Variants in ZDHHC15 observed in about 807,000 individuals in gnomAD.
The protein encoded by ZDHHC15 is zDHHC palmitoyltransferase 15.
A neutral mutation model predicts 31.7 loss-of-function variants in ZDHHC15; 19 were observed. The observed-to-expected ratio is 0.60, with a 90% CI of 0.42 to 0.88. The LOEUF (loss-of-function observed/expected upper bound fraction) is 0.88, where lower values mean the gene tolerates loss of function less well. Among genes scored for constraint, ZDHHC15 ranks in the 40% least tolerant of loss-of-function variants. The pLI is 0.00. For synonymous variants in ZDHHC15, 103 were observed against 90.0 expected (o/e 1.14, Z -0.82); for missense variants, 209 against 251.2 (o/e 0.83, Z 1.14).
chrX:75,474,571 T>TACACACACAC (rs1209885057), intron 3 of ZDHHC15, among the ~76,000 whole-genome samples: 1 of 22,781 alleles, frequency 4.4e-5, no homozygotes, highest in Admixed American at 9.9e-4. Context: ...TAATCCCCTT[T>TACACACACAC]ATACACACAC....
intron 4 of ZDHHC15, among the ~76,000 whole-genome samples, chrX:75,437,046 T>G (rs767166333): frequency 4.7e-4 from 52 of 110,196 alleles, no homozygotes; most frequent in African/African-American, 1.6e-3. Flanking sequence ...CATGCCCGGC[T>G]AATTTTTTGT....
Position 75,390,751 on chromosome X carries a change from C to A in ZDHHC15, c.968-11553G>T, listed in dbSNP as rs766334991. On this transcript the variant is annotated intron_variant, in intron 10 of 11. Coordinates refer to ENST00000373367, the MANE Select transcript of ZDHHC15 (RefSeq NM_144969.3). ...GGAAAGCCTTCCCAGGGAGGACAAGCACAAACAGGCACAGACTGTGAAGAC... is the reference window on the plus strand; with the variant it reads ...GGAAAGCCTTCCCAGGGAGGACAAGAACAAACAGGCACAGACTGTGAAGAC... 1.0e-3 allele frequency among the ~76,000 whole-genome samples: 114 copies of A among 111,610 alleles called. 1 individual carries two copies. The highest frequency in any genetic ancestry group is 3.6e-3 in the African/African-American group (110 of 30,745).
At chrX:75,416,454 C>T (rs2083549829) in intron 10 of ZDHHC15, among the ~76,000 whole-genome samples, 1 of 111,861 alleles carries the variant, frequency 8.9e-6, no homozygotes, top group African/African-American at 3.2e-5. Context: ...AAAGTAGGCA[C>T]AGCAACAGGT....
At chrX:75,460,154 C>T (rs762553120) in intron 3 of ZDHHC15, among the ~76,000 whole-genome samples, 18 of 112,247 alleles carry the variant, frequency 1.6e-4, no homozygotes, top group Non-Finnish European at 3.4e-4. Flanking sequence ...GGATTACAGG[C>T]GTGAGCCACC....
At chrX:75,467,112 G>A (rs764382479) in intron 3 of ZDHHC15, among the ~76,000 whole-genome samples, 12 of 112,280 alleles carry the variant, frequency 1.1e-4, no homozygotes, top group Non-Finnish European at 2.3e-4. Context: ...GTAGCTAAAT[G>A]AACTAAATAC....
intron 3 of ZDHHC15, among the ~76,000 whole-genome samples, chrX:75,451,581 C>T (rs1294407648): frequency 5.4e-5 from 6 of 110,872 alleles, no homozygotes; most frequent in African/African-American, 1.6e-4. Flanking sequence ...CTATCTGTGC[C>T]GAAGGGTAGA....
chrX:75,472,823 C>A lies in ZDHHC15; in HGVS notation c.258+6068G>T, dbSNP rs769231272. Among the ~76,000 whole-genome samples the A allele has an allele frequency of 7.4e-4, 83 of 112,134 alleles. 1 individual carries two copies. Among genetic ancestry groups the A allele is most frequent in the African/African-American group, 2.6e-3 (79 of 30,848 alleles). On this transcript the variant is annotated intron_variant, in intron 3 of 11. Transcript: ENST00000373367. ...ACGGTCGACCTGGCTATGGCCACTGCTGAGTGCCCAATTTTGCCAGCAGCA... is the reference window on the plus strand; with the variant it reads ...ACGGTCGACCTGGCTATGGCCACTGATGAGTGCCCAATTTTGCCAGCAGCA...
intron 10 of ZDHHC15, among the ~76,000 whole-genome samples, chrX:75,408,053 C>T (rs1268409628): frequency 9.1e-6 from 1 of 109,892 alleles, no homozygotes; most frequent in African/African-American, 3.3e-5. Flanking sequence ...ATCTCAAGTA[C>T]CCAGGGACAC....
At chrX:75,434,134 A>G (rs1250952970) in intron 4 of ZDHHC15, among the ~76,000 whole-genome samples, 1 of 111,854 alleles carries the variant, frequency 8.9e-6, no homozygotes, top group Non-Finnish European at 1.9e-5. Context: ...CCATTTGTAT[A>G]TCTTCTTTTG....
At chrX:75,479,913 A>G (rs1429461001) in intron 2 of ZDHHC15, among the ~76,000 whole-genome samples, 1 of 111,648 alleles carries the variant, frequency 9.0e-6, no homozygotes, top group South Asian at 3.8e-4. Flanking sequence ...TGTACTTCTG[A>G]GACAGTTATA....
At chrX:75,409,509 A>G (rs1438516431) in intron 10 of ZDHHC15, among the ~76,000 whole-genome samples, 1 of 81,991 alleles carries the variant, frequency 1.2e-5, no homozygotes, top group Non-Finnish European at 2.5e-5. Context: ...AAAAAAAAAA[A>G]AAAACACTAC....
In ZDHHC15 at chrX:75,432,962, C is replaced by T. The variant is rs73490410; in HGVS notation, c.380-1442G>A. 3.7e-3 allele frequency among the ~76,000 whole-genome samples: 408 copies of T among 109,939 alleles called. 2 individuals carry two copies. The highest frequency in any genetic ancestry group is 0.012 in the African/African-American group (374 of 30,051). The stretch of plus-strand genomic sequence containing the variant: ...ATGAACCACTGTACTCCAGCCTGGG[C>T]GATAGAGCAAGATCCTGTTTCTAAA... On this transcript the variant is annotated intron_variant, in intron 4 of 11. Coordinates refer to ENST00000373367, the MANE Select transcript of ZDHHC15 (RefSeq NM_144969.3).
intron 10 of ZDHHC15, among the ~76,000 whole-genome samples, chrX:75,409,757 T>C (rs1349635143): frequency 4.6e-5 from 4 of 87,337 alleles, no homozygotes; most frequent in African/African-American, 1.8e-4. Flanking sequence ...ATTGAGCAAC[T>C]GTACTGCAGC....
intron 10 of ZDHHC15, among the ~76,000 whole-genome samples, chrX:75,386,401 C>A (rs1470771839): frequency 8.9e-6 from 1 of 111,852 alleles, no homozygotes; most frequent in Non-Finnish European, 1.9e-5. Context: ...TAAAAATTAT[C>A]AAAATAAAGA....
chrX:75,479,700 C>T (rs1199792151), intron 2 of ZDHHC15, among the ~76,000 whole-genome samples: 1 of 111,254 alleles, frequency 9.0e-6, no homozygotes, highest in Admixed American at 9.6e-5. Context: ...ATCTATCATT[C>T]CACAGTCTGT....
chrX:75,497,089 C>G (rs1310570383), intron 2 of ZDHHC15, among the ~76,000 whole-genome samples: 1 of 111,174 alleles, frequency 9.0e-6, no homozygotes, highest in South Asian at 3.7e-4. Context: ...AGACCATTAG[C>G]GAGATTAACC....
At chrX:75,448,927 G>A (rs148406776) in intron 4 of ZDHHC15, among the ~76,000 whole-genome samples, 1,229 of 110,624 alleles carry the variant, frequency 0.011, 15 homozygotes, top group African/African-American at 0.039. Context: ...CAATGCAGGT[G>A]GGCCTCATCC....
intron 2 of ZDHHC15, among the ~76,000 whole-genome samples, chrX:75,484,492 G>A (rs2084745977): frequency 8.9e-6 from 1 of 111,953 alleles, no homozygotes; most frequent in African/African-American, 3.2e-5. Context: ...ATCACAAGGA[G>A]CCTCCATTTC....
chrX:75,402,364 C>T (rs1044606119), intron 10 of ZDHHC15, among the ~76,000 whole-genome samples: 14 of 110,697 alleles, frequency 1.3e-4, no homozygotes, highest in Non-Finnish European at 2.3e-4. Context: ...ACCCCAAATG[C>T]TAGCAGAAAA....
Sources: gnomAD v4.1 joint callset for allele counts (sites outside exome capture counted in the v4.1 genomes callset) on GRCh38, gnomAD v4.1.1 for gene constraint, MANE v1.5 for transcripts, NCBI Gene and HGNC (gene_info 2026-07-23, HGNC 2026-07-21) for gene names.